Variants in RNF115 observed in about 807,000 individuals in gnomAD.
RNF115 encodes E3 ubiquitin-protein ligase RNF115.
A neutral mutation model predicts 39.2 loss-of-function variants in RNF115; 31 were observed. The ratio of observed to expected loss-of-function variants is 0.79; its 90% CI spans 0.59 to 1.07. RNF115 has a LOEUF of 1.07. Ranked by LOEUF, RNF115 falls within the 50% of genes least tolerant of loss-of-function variation. The pLI, the probability that RNF115 is intolerant of heterozygous loss-of-function variation, is 0.00. For synonymous variants in RNF115, 124 were observed against 131.0 expected (o/e 0.95, Z 0.37); for missense variants, 384 against 381.7 (o/e 1.01, Z -0.05).
In RNF115 at chr1:145,743,944, A is replaced by G. The variant is rs1255877712; in HGVS notation, c.*2922T>C. 4 of 152,536 alleles carry G rather than the reference A, an allele frequency of 2.6e-5. No individual in the cohort carries two copies. The highest frequency in any genetic ancestry group is 4.8e-5 in the African/African-American group (2 of 41,526). The allele number at this position is 152,536 out of a possible 1,614,324, so 9.4% of individuals were successfully genotyped here. On this transcript the variant is annotated 3_prime_UTR_variant, in exon 9 of 9. Transcript: ENST00000582693. ...CCATTAAGTGGGACAGGTCTGGGAAACAGTAAAATGAGTCTCACATCCTCT... is the reference window on the plus strand; with the variant it reads ...CCATTAAGTGGGACAGGTCTGGGAAGCAGTAAAATGAGTCTCACATCCTCT...
At chr1:145,796,512 C>T (rs903560786) in intron 1 of RNF115, among the ~76,000 whole-genome samples, 2 of 151,678 alleles carry the variant, frequency 1.3e-5, no homozygotes, top group East Asian at 1.9e-4. Context: ...TTGTAACTTC[C>T]GCCTCCTGAG....
intron 1 of RNF115, among the ~76,000 whole-genome samples, chr1:145,803,315 G>A (rs779722912): frequency 3.8e-4 from 58 of 152,160 alleles, no homozygotes; most frequent in Non-Finnish European, 6.3e-4. Flanking sequence ...CTGTGATTCA[G>A]TTCCAGGCCA....
At position 145,823,961 on chromosome 1, in the gene RNF115, C is replaced by G; in HGVS notation, c.-88G>C. On this transcript the variant is annotated 5_prime_UTR_variant, in exon 1 of 9. Coordinates refer to ENST00000582693, the MANE Select transcript of RNF115 (RefSeq NM_014455.4). ...TCCCGAGCTGCAGTCGTCGCCGCCGCCGCCGCCTCGGTGCGGCCCACCGCT... is the reference window on the plus strand; with the variant it reads ...TCCCGAGCTGCAGTCGTCGCCGCCGGCGCCGCCTCGGTGCGGCCCACCGCT... The G allele has an allele frequency of 1.0e-6, 1 of 973,222 alleles. No individual in the cohort carries two copies. Among genetic ancestry groups the G allele is most frequent in the Non-Finnish European group, 1.4e-6 (1 of 710,616 alleles). The allele number at this position is 973,222 out of a possible 1,614,324, so 60.3% of individuals were successfully genotyped here. A position where few individuals can be genotyped will look rare whatever the true frequency, so the allele number is the denominator to read the frequency against.
chr1:145,768,634 T>C (rs1571730741), intron 4 of RNF115, among the ~76,000 whole-genome samples: 1 of 152,252 alleles, frequency 6.6e-6, no homozygotes, highest in Non-Finnish European at 1.5e-5. Flanking sequence ...AAGTACTCTG[T>C]CTACAGTGAA....
chr1:145,771,999 C>T, intron 3 of RNF115, 80 bp from the exon 4 acceptor site: 2 of 1,113,798 alleles, frequency 1.8e-6, no homozygotes, highest in East Asian at 2.4e-5. Flanking sequence ...TTTTATATTA[C>T]AAATGGCCAC....
chr1:145,764,061 G>A (rs927211274), intron 4 of RNF115, among the ~76,000 whole-genome samples: 15 of 152,146 alleles, frequency 9.9e-5, no homozygotes, highest in East Asian at 3.9e-4. Flanking sequence ...TTGCAGGCGC[G>A]CGCCACCACG....
intron 4 of RNF115, among the ~76,000 whole-genome samples, chr1:145,767,254 G>C (rs1647368903): frequency 6.7e-6 from 1 of 148,218 alleles, no homozygotes; most frequent in African/African-American, 2.5e-5. Flanking sequence ...TCACTTCTCA[G>C]ACGGTGTGGC....
At chr1:145,750,789 C>A (rs587754252) in intron 6 of RNF115, among the ~76,000 whole-genome samples, 1 of 152,102 alleles carries the variant, frequency 6.6e-6, no homozygotes, top group Non-Finnish European at 1.5e-5. Flanking sequence ...TGTGGTGTCA[C>A]GAGTAAAACT....
At chr1:145,772,448 G>C (rs1485265940) in intron 3 of RNF115, 4 of 152,602 alleles carry the variant, frequency 2.6e-5, no homozygotes. Flanking sequence ...TGTTTATCTG[G>C]GTATGTCATG....
chr1:145,809,183 ATTTTTTT>A (rs71077279), intron 1 of RNF115, among the ~76,000 whole-genome samples: 6 of 134,022 alleles, frequency 4.5e-5, no homozygotes, highest in Admixed American at 7.5e-5. Context: ...GTTTTCAAGG[ATTTTTTT>A]TTTTTTTTTT....
chr1:145,819,458 T>C (rs1484209138), intron 1 of RNF115, among the ~76,000 whole-genome samples: 2 of 151,258 alleles, frequency 1.3e-5, no homozygotes, highest in Non-Finnish European at 3.0e-5. Context: ...TCTCAAAAAA[T>C]AATGAAAAAT....
At chr1:145,798,558 T>G (rs1649086315) in intron 1 of RNF115, among the ~76,000 whole-genome samples, 1 of 152,212 alleles carries the variant, frequency 6.6e-6, no homozygotes, top group African/African-American at 2.4e-5. Flanking sequence ...CTAGTTTTAT[T>G]ACCATAGCTT....
intron 1 of RNF115, among the ~76,000 whole-genome samples, chr1:145,797,534 T>C (rs1553720290): frequency 6.6e-6 from 1 of 152,228 alleles, no homozygotes; most frequent in Non-Finnish European, 1.5e-5. Flanking sequence ...GTATATACCA[T>C]ATTTTATTTA....
At chr1:145,795,229 G>A (rs183761638) in intron 1 of RNF115, among the ~76,000 whole-genome samples, 2 of 152,048 alleles carry the variant, frequency 1.3e-5, no homozygotes, top group East Asian at 3.9e-4. Context: ...ACTGACTTCA[G>A]GAATGAAGCC....
chr1:145,808,675 T>A (rs1217820127), intron 1 of RNF115, among the ~76,000 whole-genome samples: 1 of 152,222 alleles, frequency 6.6e-6, no homozygotes, highest in Admixed American at 6.5e-5. Context: ...TTGCACTATA[T>A]CAGCAATCCA....
intron 7 of RNF115, among the ~76,000 whole-genome samples, chr1:145,750,070 G>A (rs1658018375): frequency 6.6e-6 from 1 of 152,046 alleles, no homozygotes; most frequent in Non-Finnish European, 1.5e-5. Flanking sequence ...TTAATCATTT[G>A]ATCAGTTTTT....
At chr1:145,757,751 G>T (rs1432239243) in intron 4 of RNF115, among the ~76,000 whole-genome samples, 1 of 152,162 alleles carries the variant, frequency 6.6e-6, no homozygotes, top group Admixed American at 6.5e-5. Context: ...TTTGGAACAG[G>T]AAATCTCTAT....
intron 4 of RNF115, among the ~76,000 whole-genome samples, chr1:145,760,522 G>C (rs1658458720): frequency 6.6e-6 from 1 of 152,118 alleles, no homozygotes; most frequent in Admixed American, 6.5e-5. Flanking sequence ...TCTCATGACA[G>C]TAAGTCTCAT....
intron 4 of RNF115, among the ~76,000 whole-genome samples, chr1:145,762,040 C>T (rs1365939752): frequency 6.6e-6 from 1 of 152,198 alleles, no homozygotes; most frequent in Non-Finnish European, 1.5e-5. Context: ...CCTGTAACCC[C>T]TTTGATCTGG....
Sources: allele counts gnomAD v4.1 joint callset (sites outside exome capture counted in the v4.1 genomes callset), GRCh38; gene constraint gnomAD v4.1.1; transcripts MANE v1.5; gene names NCBI Gene and HGNC (gene_info 2026-07-23, HGNC 2026-07-21).